The following EPAS1 variants were observed in gnomAD, a reference collection of about 807,000 sequenced individuals.
The protein encoded by EPAS1 is endothelial PAS domain protein 1, also known as endothelial PAS domain-containing protein 1.
EPAS1 carries 23 observed loss-of-function variants against 87.9 expected under a neutral mutation model. The ratio of observed to expected loss-of-function variants is 0.26; its 90% CI spans 0.19 to 0.37. The LOEUF is 0.37. Ranked by LOEUF, EPAS1 falls within the 10% of genes least tolerant of loss-of-function variation. The pLI is 1.00. For missense variants in EPAS1, 1,138 were observed against 1,120.7 expected, an observed-to-expected ratio of 1.02 and a Z score of -0.22; for synonymous variants, 508 against 444.3, an observed-to-expected ratio of 1.14 and a Z score of -1.80.
chr2:46,377,693 T>G (rs760511870), intron 9 of EPAS1, among the ~76,000 whole-genome samples: 1 of 152,218 alleles, frequency 6.6e-6, no homozygotes, highest in Non-Finnish European at 1.5e-5. Flanking sequence ...CTGTTCCGTT[T>G]AAAGGGAGTC....
chr2:46,298,279 G>C (rs1682927331), intron 1 of EPAS1, among the ~76,000 whole-genome samples: 2 of 152,260 alleles, frequency 1.3e-5, no homozygotes. Flanking sequence ...CCGGCGCTTG[G>C]AAATGTTTGT....
chr2:46,326,865 G>A (rs192386199), intron 1 of EPAS1, among the ~76,000 whole-genome samples: 1 of 152,248 alleles, frequency 6.6e-6, no homozygotes, highest in Admixed American at 6.5e-5. Flanking sequence ...GAAGTGAGAG[G>A]GAGGCGGTAA....
chr2:46,381,954 A>C (rs766499209), intron 13 of EPAS1, 21 bp from the exon 14 acceptor site: 1 of 1,560,562 alleles, frequency 6.4e-7, no homozygotes, highest in Admixed American at 1.8e-5. Flanking sequence ...TCCCCTTTCC[A>C]TCTGCCCTTC....
rs937795473 is a variant in EPAS1 at position 46,371,665 on chromosome 2, G to C, written c.886+1732G>C. On this transcript the variant is annotated intron_variant, in intron 7 of 15. Coordinates refer to ENST00000263734, the MANE Select transcript of EPAS1 (RefSeq NM_001430.5). This position sits in a 1 kb window ranked among gnomAD's most constrained non-coding sequence, Gnocchi z 4.3. ...TCCTTCATGCTTCCTGGTCCCTGAG[G>C]GGTTCCTGTTTTCAAAGGCAGGTGA... Among the ~76,000 whole-genome samples, 8 of 152,166 alleles carry C rather than the reference G, an allele frequency of 5.3e-5. No homozygotes were observed. Among genetic ancestry groups the C allele is most frequent in the African/African-American group, 1.9e-4 (8 of 41,428 alleles).
intron 6 of EPAS1, among the ~76,000 whole-genome samples, chr2:46,361,634 A>C (rs1006615111): frequency 1.3e-5 from 2 of 152,210 alleles, no homozygotes; most frequent in African/African-American, 4.8e-5. Context: ...TGCCAGGCCC[A>C]GTGTCTCTTA....
chr2:46,353,952 C>T (rs1684218898), intron 2 of EPAS1, among the ~76,000 whole-genome samples: 1 of 152,264 alleles, frequency 6.6e-6, no homozygotes, highest in Admixed American at 6.5e-5. Context: ...CATCCCCGGA[C>T]AGGACCCACT....
At chr2:46,353,406 C>G (rs913364349) in intron 2 of EPAS1, among the ~76,000 whole-genome samples, 1 of 152,244 alleles carries the variant, frequency 6.6e-6, no homozygotes, top group Admixed American at 6.5e-5. Context: ...GCAGCACAGG[C>G]AGTCTTAGAG....
chr2:46,297,792 G>A lies in EPAS1; in HGVS notation c.-120G>A. 2.2e-6 allele frequency: 3 copies of A among 1,381,804 alleles called. No homozygotes were observed. Among genetic ancestry groups the A allele is most frequent in the Non-Finnish European group, 3.0e-6 (3 of 1,000,470 alleles). 85.6% of individuals were successfully genotyped at this position (1,381,804 alleles called of 1,614,324 possible). A position where few individuals can be genotyped will look rare whatever the true frequency, so the allele number is the denominator to read the frequency against. On this transcript the variant is annotated 5_prime_UTR_variant, in exon 1 of 16. Coordinates refer to ENST00000263734, the MANE Select transcript of EPAS1 (RefSeq NM_001430.5). ...ACTGCGCGGGGCGCTCGGGACCTGC[G>A]CGCACCTCGGACCTTCACCACCCGC... is the stretch of plus-strand genomic sequence containing the variant.
intron 2 of EPAS1, among the ~76,000 whole-genome samples, chr2:46,349,550 G>A (rs2103619013): frequency 6.6e-6 from 1 of 152,326 alleles, no homozygotes; most frequent in Non-Finnish European, 1.5e-5. Flanking sequence ...AGACCAGCTA[G>A]AGCCTTTAGC....
intron 1 of EPAS1, among the ~76,000 whole-genome samples, chr2:46,308,307 T>C (rs188054412): frequency 1.3e-5 from 2 of 152,362 alleles, no homozygotes; most frequent in Admixed American, 1.3e-4. Context: ...CCTGCATTAC[T>C]AGCTTTTGGT....
At chr2:46,377,169 G>C (rs1684769869) in intron 9 of EPAS1, among the ~76,000 whole-genome samples, 1 of 152,254 alleles carries the variant, frequency 6.6e-6, no homozygotes, top group South Asian at 2.1e-4. Flanking sequence ...AGAGGGCCAA[G>C]TTGGAGTAAT....
intron 1 of EPAS1, among the ~76,000 whole-genome samples, chr2:46,332,261 T>C (rs867870046): frequency 2.7e-4 from 34 of 126,854 alleles, no homozygotes; most frequent in African/African-American, 9.1e-4. Context: ...TGGACAGAAC[T>C]GGTGTTTCAC....
At chr2:46,381,379 C>T (rs540452705) in intron 12 of EPAS1, 3 of 668,956 alleles carry the variant, frequency 4.5e-6, no homozygotes, top group African/African-American at 1.8e-5. Flanking sequence ...TCCCCCAGAC[C>T]AGGAGGCTTG....
At chr2:46,356,127 T>TGGGGGGGGGGGGGGGCGGGGG in intron 2 of EPAS1, 24 bp from the exon 3 acceptor site, 1 of 1,395,472 alleles carries the variant, frequency 7.2e-7, no homozygotes, top group Non-Finnish European at 9.9e-7. Flanking sequence ...TCATGCAAGC[T>TGGGGGGGGGGGGGGGCGGGGG]GTCCCACCCC....
intron 1 of EPAS1, among the ~76,000 whole-genome samples, chr2:46,341,245 C>T (rs923287393): frequency 1.3e-5 from 2 of 152,148 alleles, no homozygotes; most frequent in Admixed American, 6.5e-5. Context: ...TTTGAGGGCA[C>T]ATTTTATCCT....
In EPAS1 at chr2:46,356,828, C is replaced by T; in HGVS notation, c.454+20C>T. 6.3e-7 allele frequency: 1 copy of T among 1,578,634 alleles called. No homozygotes were observed. Among genetic ancestry groups the T allele is most frequent in the Non-Finnish European group, 8.7e-7 (1 of 1,147,714 alleles). The stretch of plus-strand genomic sequence containing the variant: ...AAAATGGTATCCTTAATTGTGTTTA[C>T]TTCCTTCTTGCCCCCACTGGGTGGG... On this transcript the variant is annotated intron_variant, in intron 4 of 15. Transcript: ENST00000263734.
Position 46,356,153 on chromosome 2 carries a change from T to C in EPAS1, c.220T>C (p.Cys74Arg), listed in dbSNP as rs748761768. Residue 74 changes from cysteine to arginine, a missense_variant and splice_region_variant, in exon 3 of 16, where the codon TGC becomes CGC. Around this residue, in one of 4 missense-constraint regions of EPAS1, gnomAD observed 351 missense variants for 417.1 expected, o/e 0.84. Coordinates refer to ENST00000263734, the MANE Select transcript of EPAS1 (RefSeq NM_001430.5). ...GTCCCACCCCCCCCCCTTTCCAGTTTGCTCTGAAAACGAGTCCGAAGCCGA... is the reference window on the plus strand; with the variant it reads ...GTCCCACCCCCCCCCCTTTCCAGTTCGCTCTGAAAACGAGTCCGAAGCCGA... ...LRTHKLLSSV[C>R]SENESEAEAD... The C allele has an allele frequency of 8.0e-7, 1 of 1,245,178 alleles. No individual in the cohort carries two copies. Among genetic ancestry groups the C allele is most frequent in the Non-Finnish European group, 1.2e-6 (1 of 866,818 alleles). 77.1% of individuals were successfully genotyped at this position (1,245,178 alleles called of 1,614,324 possible).
chr2:46,312,662 C>G (rs1045435579), intron 1 of EPAS1, among the ~76,000 whole-genome samples: 3 of 151,772 alleles, frequency 2.0e-5, no homozygotes, highest in Admixed American at 6.6e-5. Flanking sequence ...TGCTCTCAGG[C>G]CTTTAAATTT....
intron 15 of EPAS1, among the ~76,000 whole-genome samples, chr2:46,383,138 T>C (rs1173299437): frequency 6.6e-6 from 1 of 152,210 alleles, no homozygotes; most frequent in Non-Finnish European, 1.5e-5. Context: ...AACCCTCCCA[T>C]GATCAGGTGC....
Sources: allele counts gnomAD v4.1 joint callset (sites outside exome capture counted in the v4.1 genomes callset), GRCh38; gene constraint gnomAD v4.1.1; regional missense constraint gnomAD v4.1.1; non-coding constraint Gnocchi (gnomAD v3.1); transcripts MANE v1.5; gene names NCBI Gene and HGNC (gene_info 2026-07-23, HGNC 2026-07-21).